PFKFB2: variants seen among roughly 807,000 people sequenced by gnomAD.
PFKFB2 encodes the protein 6-phosphofructo-2-kinase/fructose-2,6-biphosphatase 2.
A neutral mutation model predicts 68.0 loss-of-function variants in PFKFB2; 53 were observed. The ratio of observed to expected loss-of-function variants is 0.78; its 90% CI spans 0.63 to 0.98. The LOEUF (loss-of-function observed/expected upper bound fraction) is 0.98, where lower values mean the gene tolerates loss of function less well. PFKFB2 is among the 50% of genes least tolerant of loss of function. PFKFB2 has a pLI of 0.00. For missense variants in PFKFB2, 451 were observed against 642.0 expected (o/e 0.70, Z 3.22); for synonymous variants, 222 against 227.6 (o/e 0.98, Z 0.22).
Position 207,069,441 on chromosome 1 carries a change from G to T in PFKFB2, c.1005G>T (p.Met335Ile). 6.2e-7 allele frequency: 1 copy of T among 1,613,644 alleles called. No individual in the cohort carries two copies. Among genetic ancestry groups the T allele is most frequent in the South Asian group, 1.1e-5 (1 of 91,028 alleles). The change falls in exon 11 of 15, where the codon ATG becomes ATT. Residue 335 changes from methionine (M) to isoleucine (I), a missense_variant. Physicochemically the swap from Met to Ile is conservative, Grantham distance 10 (BLOSUM62 1). Coordinates refer to ENST00000367080, the MANE Select transcript of PFKFB2 (RefSeq NM_006212.2). ...TTTTGCAGGGTGTGTGTGAAGAGAT[G>T]ACCTATGCAGAGATTGAGAAACGGT... is the stretch of plus-strand genomic sequence containing the variant. ...NEIDAGVCEE[M>I]TYAEIEKRYP...
At chr1:207,071,750 T>A (rs1683472254) in intron 14 of PFKFB2, among the ~76,000 whole-genome samples, 177 bp downstream of exon 14, 1 of 152,144 alleles carries the variant, frequency 6.6e-6, no homozygotes, top group Non-Finnish European at 1.5e-5. Flanking sequence ...TTTTTTAAAT[T>A]AGTACCCCTT....
rs972478124 is a variant in PFKFB2, at chr1:207,075,096, C to G, written c.*2725C>G. 1 of 985,304 alleles carries G rather than the reference C, an allele frequency of 1.0e-6. No homozygotes were observed. The highest frequency in any genetic ancestry group is 1.7e-5 in the African/African-American group (1 of 57,234). The allele number at this position is 985,304 out of a possible 1,614,324, so 61.0% of individuals were successfully genotyped here. ...AATGAGAAGAGGGAGCACTTTGATC[C>G]ACAGACTTTGGATTAACACTGTACC... On this transcript the variant is annotated 3_prime_UTR_variant, in exon 15 of 15. Transcript: ENST00000367080.
At position 207,071,493 on chromosome 1, in the gene PFKFB2, T is replaced by C; in HGVS notation, c.1286-16T>C. 6.2e-7 allele frequency: 1 copy of C among 1,608,942 alleles called. No homozygotes were observed. Among genetic ancestry groups the C allele is most frequent in the Non-Finnish European group, 8.5e-7 (1 of 1,175,414 alleles). On this transcript the variant is annotated splice_polypyrimidine_tract_variant and intron_variant, in intron 13 of 14. Transcript: ENST00000367080. ...AACCTTTTTCTTTAAGTCCTCTCTTTCCTCTGTTTTCTCAGGGTGCAAAGT... is the reference window on the plus strand; with the variant it reads ...AACCTTTTTCTTTAAGTCCTCTCTTCCCTCTGTTTTCTCAGGGTGCAAAGT...
upstream of PFKFB2, among the ~76,000 whole-genome samples, chr1:207,050,280 G>A (rs1236705703): frequency 1.3e-5 from 2 of 151,986 alleles, no homozygotes; most frequent in African/African-American, 2.4e-5. Flanking sequence ...ATCTACGAAG[G>A]GGACTGCAAA....
chr1:207,050,624 G>C (rs1682716916), upstream of PFKFB2: 1 of 1,597,768 alleles, frequency 6.3e-7, no homozygotes, highest in East Asian at 2.2e-5. Flanking sequence ...CTGGTGTTTT[G>C]TTCTCTCTCA....
chr1:207,037,194 A>G (rs539588853), intron 1 of PFKFB2, among the ~76,000 whole-genome samples: 7 of 152,154 alleles, frequency 4.6e-5, no homozygotes, highest in African/African-American at 7.2e-5. Context: ...ATTCTTCTCT[A>G]TCTTGTCTTT....
rs1683579706 is a variant in PFKFB2 at position 207,074,845 on chromosome 1, G to A, written c.*2474G>A. The A allele has an allele frequency of 3.0e-6, 3 of 985,420 alleles. No homozygotes were observed. Among genetic ancestry groups the A allele is most frequent in the Middle Eastern group, 5.2e-4 (1 of 1,914 alleles). The allele number at this position is 985,420 out of a possible 1,614,324, so 61.0% of individuals were successfully genotyped here. ...TCTAGAAGTGTTCAACCATCACATCGCTTCTCCTGACTTTTCTGTTGTCCT... is the reference window on the plus strand; with the variant it reads ...TCTAGAAGTGTTCAACCATCACATCACTTCTCCTGACTTTTCTGTTGTCCT... On this transcript the variant is annotated 3_prime_UTR_variant, in exon 15 of 15. Transcript: ENST00000367080.
Position 207,074,299 on chromosome 1 carries a change from A to T in PFKFB2, c.*1928A>T. ...TGGGTTTGATGTTTGAGCAGATCATAATGTTAAATGATATAACCCCCTGGA... is the reference window on the plus strand; with the variant it reads ...TGGGTTTGATGTTTGAGCAGATCATTATGTTAAATGATATAACCCCCTGGA... On this transcript the variant is annotated 3_prime_UTR_variant, in exon 15 of 15. Transcript: ENST00000367080. The T allele has an allele frequency of 1.0e-6, 1 of 985,436 alleles. No homozygotes were observed. Among genetic ancestry groups the T allele is most frequent in the Non-Finnish European group, 1.2e-6 (1 of 829,906 alleles). 61.0% of individuals were successfully genotyped at this position (985,436 alleles called of 1,614,324 possible). A position where few individuals can be genotyped will look rare whatever the true frequency, so the allele number is the denominator to read the frequency against.
In PFKFB2 at chr1:207,073,387, T is replaced by G. The variant is rs1683525770; in HGVS notation, c.*1016T>G. On this transcript the variant is annotated 3_prime_UTR_variant, in exon 15 of 15. Transcript: ENST00000367080. ...CCAAAGCCAGTATCCTCTGGGGCTG[T>G]TTAGAAGGGCAGTTAGATTCAGGAG... The G allele has an allele frequency of 1.0e-6, 1 of 985,278 alleles. No homozygotes were observed. Among genetic ancestry groups the G allele is most frequent in the South Asian group, 4.7e-5 (1 of 21,290 alleles). 61.0% of individuals were successfully genotyped at this position (985,278 alleles called of 1,614,324 possible). A position where few individuals can be genotyped will look rare whatever the true frequency, so the allele number is the denominator to read the frequency against.
At chr1:207,069,629 T>C (rs1683407423) in intron 11 of PFKFB2, 101 bp downstream of exon 11, 1 of 723,836 alleles carries the variant, frequency 1.4e-6, no homozygotes, top group Admixed American at 2.5e-5. Flanking sequence ...GGTCTAGGCA[T>C]CATTTATCTT....
At chr1:207,048,874 G>A (rs992934570), upstream of PFKFB2, 86 of 739,010 alleles carry the variant, frequency 1.2e-4, no homozygotes, top group Non-Finnish European at 9.9e-5. Flanking sequence ...TCTTAACAAG[G>A]AATTTCAGTG....
At chr1:207,047,113 A>C (rs939850280) in intron 2 of PFKFB2, 3 of 152,584 alleles carry the variant, frequency 2.0e-5, no homozygotes, top group African/African-American at 7.2e-5. Context: ...AGATCAGATG[A>C]GAGTCAGGTG....
At chr1:207,035,026 TC>T in intron 1 of PFKFB2, 5 of 427,280 alleles carry the variant, frequency 1.2e-5, no homozygotes, top group Non-Finnish European at 1.6e-5. Context: ...CCAAAGTCAG[TC>T]AAAAGCCTGA....
Position 207,074,944 on chromosome 1 carries a change from G to A in PFKFB2, c.*2573G>A. On this transcript the variant is annotated 3_prime_UTR_variant, in exon 15 of 15. Coordinates refer to ENST00000367080, the MANE Select transcript of PFKFB2 (RefSeq NM_006212.2). ...ACCAGTGTGAGAATGAGATATGGTT[G>A]GGGAGGCGTGTTTGGCACTTTTACA... 1 of 984,880 alleles carries A rather than the reference G, an allele frequency of 1.0e-6. No homozygotes were observed. The highest frequency in any genetic ancestry group is 1.2e-6 in the Non-Finnish European group (1 of 829,466). 61.0% of individuals were successfully genotyped at this position (984,880 alleles called of 1,614,324 possible). A position where few individuals can be genotyped will look rare whatever the true frequency, so the allele number is the denominator to read the frequency against.
chr1:207,054,214 A>C (rs934451780), intron 1 of PFKFB2, among the ~76,000 whole-genome samples: 12 of 151,908 alleles, frequency 7.9e-5, no homozygotes, highest in Admixed American at 1.3e-4. Context: ...ACTGTTTGCA[A>C]AACTGAGTCC....
chr1:207,073,699 A>G lies in PFKFB2; in HGVS notation c.*1328A>G. 2 of 985,144 alleles carry G rather than the reference A, an allele frequency of 2.0e-6. No individual in the cohort carries two copies. The highest frequency in any genetic ancestry group is 2.4e-6 in the Non-Finnish European group (2 of 829,714). The allele number at this position is 985,144 out of a possible 1,614,324, so 61.0% of individuals were successfully genotyped here. A position where few individuals can be genotyped will look rare whatever the true frequency, so the allele number is the denominator to read the frequency against. On this transcript the variant is annotated 3_prime_UTR_variant, in exon 15 of 15. Coordinates refer to ENST00000367080, the MANE Select transcript of PFKFB2 (RefSeq NM_006212.2). ...AGCTCGTAACTGTTTGTATTTCTCTATTCACTTCTGTCATTTCATTTTCTT... is the reference window on the plus strand; with the variant it reads ...AGCTCGTAACTGTTTGTATTTCTCTGTTCACTTCTGTCATTTCATTTTCTT...
intron 2 of PFKFB2, 139 bp from the exon 3 acceptor site, chr1:207,061,814 G>T: frequency 2.9e-6 from 2 of 690,882 alleles, no homozygotes; most frequent in Non-Finnish European, 5.1e-6. Context: ...CCTGGGAGGC[G>T]GAGGTTGCAA....
intron 1 of PFKFB2, among the ~76,000 whole-genome samples, chr1:207,038,151 CTT>C (rs1454588131): frequency 1.3e-5 from 2 of 152,144 alleles, no homozygotes; most frequent in Admixed American, 1.3e-4. Context: ...CTTAGGATAA[CTT>C]TATTCCTTTA....
Position 207,076,437 on chromosome 1 carries a change from A to G in PFKFB2, c.*4066A>G. 1.0e-6 allele frequency: 1 copy of G among 985,270 alleles called. No individual in the cohort carries two copies. Among genetic ancestry groups the G allele is most frequent in the Non-Finnish European group, 1.2e-6 (1 of 829,872 alleles). 61.0% of individuals were successfully genotyped at this position (985,270 alleles called of 1,614,324 possible). A position where few individuals can be genotyped will look rare whatever the true frequency, so the allele number is the denominator to read the frequency against. On this transcript the variant is annotated 3_prime_UTR_variant, in exon 15 of 15. Transcript: ENST00000367080. ...GCCATGTTGTGTTCATTGTTAAGAA[A>G]TTTGATAGATTTACCCAGCTTTTCT...
Sources: allele counts gnomAD v4.1 joint callset (sites outside exome capture counted in the v4.1 genomes callset), GRCh38; gene constraint gnomAD v4.1.1; transcripts MANE v1.5; gene names NCBI Gene and HGNC (gene_info 2026-07-23, HGNC 2026-07-21).